NUDCD1: variants seen among roughly 807,000 people sequenced by gnomAD.
NUDCD1 encodes NudC domain containing 1.
NUDCD1 carries 60 observed loss-of-function variants against 67.8 expected under a neutral mutation model. The observed-to-expected ratio is 0.88, with a 90% CI of 0.72 to 1.10. The LOEUF (loss-of-function observed/expected upper bound fraction) is 1.10. NUDCD1 is among the 50% of genes least tolerant of loss of function. The probability of loss-of-function intolerance (pLI) is 0.00; values close to 1 mark genes in which losing one functional copy is unlikely to be tolerated. For synonymous variants in NUDCD1, 244 were observed against 230.8 expected (o/e 1.06, Z -0.52); for missense variants, 643 against 695.0 (o/e 0.93, Z 0.84).
chr8:109,247,769 T>C (rs1586246570), intron 8 of NUDCD1, among the ~76,000 whole-genome samples: 1 of 152,240 alleles, frequency 6.6e-6, no homozygotes, highest in Non-Finnish European at 1.5e-5. Flanking sequence ...CTCGTGGTTA[T>C]ATGAGCTGCT....
At chr8:109,244,705 C>T (rs1052705228) in intron 9 of NUDCD1, among the ~76,000 whole-genome samples, 28 of 152,134 alleles carry the variant, frequency 1.8e-4, no homozygotes, top group African/African-American at 6.5e-4. Context: ...TTCTGTCACA[C>T]AATACTAATG....
chr8:109,278,457 T>C (rs925981718), intron 6 of NUDCD1, among the ~76,000 whole-genome samples: 1 of 152,196 alleles, frequency 6.6e-6, no homozygotes, highest in Non-Finnish European at 1.5e-5. Flanking sequence ...AGGTTTTAAG[T>C]GTAGAATTTA....
intron 8 of NUDCD1, among the ~76,000 whole-genome samples, chr8:109,262,453 A>C (rs1813882591): frequency 6.6e-6 from 1 of 152,234 alleles, no homozygotes; most frequent in Admixed American, 6.5e-5. Flanking sequence ...AGCAGCCAGA[A>C]TCCCCTCACC....
chr8:109,303,177 C>T (rs187111808), intron 2 of NUDCD1, among the ~76,000 whole-genome samples: 25 of 152,316 alleles, frequency 1.6e-4, no homozygotes, highest in South Asian at 2.1e-4. Flanking sequence ...CACTGGAAAT[C>T]GGACTGTCCT....
chr8:109,247,766 T>C (rs1048610504), intron 8 of NUDCD1, among the ~76,000 whole-genome samples: 2 of 152,204 alleles, frequency 1.3e-5, no homozygotes, highest in Non-Finnish European at 2.9e-5. Flanking sequence ...ACTCTCGTGG[T>C]TATATGAGCT....
In NUDCD1 at chr8:109,289,814, A is replaced by G. The variant is rs774084348; in HGVS notation, c.760T>C (p.Phe254Leu). ...LMIVSYKSLT[F>L]VQAGQDLEEN... ...TCAAGATCTTGACCAGCCTGAACAA[A>G]TGTTAAAGACTTGTAGGATACAATC... The change falls in exon 5 of 10, where the codon TTT becomes CTT. Residue 254 changes from phenylalanine to leucine, a missense_variant. Transcript: ENST00000239690. 18 of 1,570,494 alleles carry G rather than the reference A, an allele frequency of 1.1e-5. No individual in the cohort carries two copies. In the East Asian group the frequency reaches 4.2e-4, roughly 36 times the overall value.
chr8:109,320,382 A>G (rs797017991), intron 2 of NUDCD1, among the ~76,000 whole-genome samples: 24 of 152,326 alleles, frequency 1.6e-4, no homozygotes, highest in African/African-American at 5.3e-4. Flanking sequence ...GAGAAAAAGA[A>G]TTCAGCGATA....
chr8:109,282,560 T>C (rs540757369), intron 5 of NUDCD1, among the ~76,000 whole-genome samples: 11 of 152,096 alleles, frequency 7.2e-5, no homozygotes, highest in Admixed American at 3.3e-4. Context: ...AAATTTGAAG[T>C]GCCAGAATCT....
Position 109,245,658 on chromosome 8 carries a change from T to A in NUDCD1, c.1300-177A>T, listed in dbSNP as rs551061486. Among the ~76,000 whole-genome samples, 7 of 152,336 alleles carry A rather than the reference T, an allele frequency of 4.6e-5. No homozygotes were observed. In the East Asian group the frequency reaches 1.3e-3, roughly 29 times the overall value. Reference sequence around the variant, plus strand: ...GATAAATGTGCTACTGTTATGTTCATTTCAAAGCTGAGGAAAGTGATGCAC... The same window carrying A: ...GATAAATGTGCTACTGTTATGTTCAATTCAAAGCTGAGGAAAGTGATGCAC... On this transcript the variant is annotated intron_variant, in intron 8 of 9. Transcript: ENST00000239690.
intron 8 of NUDCD1, among the ~76,000 whole-genome samples, chr8:109,268,996 T>C (rs1486810884): frequency 1.3e-5 from 2 of 152,164 alleles, no homozygotes; most frequent in African/African-American, 2.4e-5. Context: ...TGATTAAGAA[T>C]ACTGCTTACT....
At chr8:109,308,162 C>T in intron 2 of NUDCD1, among the ~76,000 whole-genome samples, 1 of 152,194 alleles carries the variant, frequency 6.6e-6, no homozygotes, top group East Asian at 1.9e-4. Context: ...CCAACAACCA[C>T]AGAATATACA....
chr8:109,309,142 G>T (rs1025788428), intron 2 of NUDCD1, among the ~76,000 whole-genome samples: 1 of 152,000 alleles, frequency 6.6e-6, no homozygotes, highest in African/African-American at 2.4e-5. Context: ...CCACAACCAG[G>T]AAAGGACATA....
chr8:109,277,894 T>G (rs577013275), intron 6 of NUDCD1, among the ~76,000 whole-genome samples: 2 of 152,204 alleles, frequency 1.3e-5, no homozygotes, highest in Non-Finnish European at 2.9e-5. Context: ...AAAGAAACTT[T>G]CAAGCAATTA....
chr8:109,329,114 C>T (rs1420082967), intron 1 of NUDCD1, among the ~76,000 whole-genome samples: 1 of 148,316 alleles, frequency 6.7e-6, no homozygotes, highest in Non-Finnish European at 1.5e-5. Context: ...ATGGGATTAA[C>T]AAGAGACTAA....
chr8:109,263,054 CAAAAAAA>C (rs59659347), intron 8 of NUDCD1, among the ~76,000 whole-genome samples: 5 of 42,010 alleles, frequency 1.2e-4, no homozygotes, highest in South Asian at 2.0e-3. Context: ...GACTCTGTCT[CAAAAAAA>C]AAAAAAAAAA....
At chr8:109,293,580 A>G in intron 3 of NUDCD1, 56 bp from the exon 4 acceptor site, 1 of 899,556 alleles carries the variant, frequency 1.1e-6, no homozygotes, top group Non-Finnish European at 1.6e-6. Context: ...GAACACAGAT[A>G]GCATAGAGGG....
chr8:109,253,205 G>T (rs1300164870), intron 8 of NUDCD1, among the ~76,000 whole-genome samples: 1 of 152,106 alleles, frequency 6.6e-6, no homozygotes, highest in Non-Finnish European at 1.5e-5. Context: ...TCTTGTTCAG[G>T]AAGTTTAAAT....
At chr8:109,309,666 C>T (rs914908570) in intron 2 of NUDCD1, among the ~76,000 whole-genome samples, 4 of 151,958 alleles carry the variant, frequency 2.6e-5, no homozygotes, top group Admixed American at 6.6e-5. Context: ...AAAGTCAAAC[C>T]GTTGCTGTTT....
Position 109,290,180 on chromosome 8 carries a change from T to C in NUDCD1, c.641-247A>G, listed in dbSNP as rs145695985. On this transcript the variant is annotated intron_variant, in intron 4 of 9. Transcript: ENST00000239690. The stretch of plus-strand genomic sequence containing the variant: ...TTGTCCTGTCCAATGTGGTAGTCAC[T>C]GGCCAGAAGTATCTACTTAAAATTA... Among the ~76,000 whole-genome samples, 5 of 152,300 alleles carry C rather than the reference T, an allele frequency of 3.3e-5. No homozygotes were observed. The East Asian group carries it at 7.7e-4, about 24-fold the overall frequency.
Sources: gnomAD v4.1 joint callset for allele counts (sites outside exome capture counted in the v4.1 genomes callset) on GRCh38, gnomAD v4.1.1 for gene constraint, MANE v1.5 for transcripts, NCBI Gene and HGNC (gene_info 2026-07-23, HGNC 2026-07-21) for gene names.